LARGE1: variants seen among roughly 807,000 people sequenced by gnomAD.
LARGE1 encodes the protein xylosyl- and glucuronyltransferase LARGE1.
LARGE1 carries 43 observed loss-of-function variants against 87.6 expected under a neutral mutation model. The ratio of observed to expected loss-of-function variants is 0.49; its 90% confidence interval spans 0.38 to 0.63. LARGE1 has a LOEUF of 0.63. Ranked by LOEUF, LARGE1 falls within the 30% of genes least tolerant of loss-of-function variation. LARGE1 has a pLI of 0.00. For missense variants in LARGE1, 802 were observed against 1,000.2 expected, an observed-to-expected ratio of 0.80 and a Z score of 2.67; for synonymous variants, 434 against 394.6, an observed-to-expected ratio of 1.10 and a Z score of -1.18.
the LARGE1 span, among the ~76,000 whole-genome samples, chr22:33,101,125 G>A: frequency 4.6e-5 from 7 of 152,226 alleles, no homozygotes; most frequent in East Asian, 1.9e-4. Flanking sequence ...GATTACAGGC[G>A]TGAGCCACCA....
intron 6 of LARGE1, among the ~76,000 whole-genome samples, chr22:33,481,400 C>A (rs887473498): frequency 6.6e-6 from 1 of 151,956 alleles, no homozygotes; most frequent in Non-Finnish European, 1.5e-5. Flanking sequence ...TGTCTGTGGG[C>A]CATTATTTTT....
rs762397832 is a variant in LARGE1, at chr22:33,384,264, T to C, written c.933A>G (p.Lys311=). The change falls in exon 8 of 15, where the codon AAA becomes AAG. Residue 311 remains lysine (K), a synonymous_variant. Transcript: ENST00000397394. ...CGGTCAGCCTCCACATCTGCTCCCA[T>C]TTCATCTTCCGCAGCTTATCCAGAA... The part of the protein sequence containing the change: ...LLLLDKLRKM[K]WEQMWRLTAE... 1 of 1,614,062 alleles carries C rather than the reference T, an allele frequency of 6.2e-7. No homozygotes were observed. The highest frequency in any genetic ancestry group is 8.5e-7 in the Non-Finnish European group (1 of 1,180,018).
At chr22:33,142,774 G>A in the LARGE1 span, among the ~76,000 whole-genome samples, 1 of 152,130 alleles carries the variant, frequency 6.6e-6, no homozygotes, top group African/African-American at 2.4e-5. Context: ...ATCACTCAAC[G>A]ATTTTCAAAG....
At chr22:33,596,929 T>G (rs1202978560) in intron 5 of LARGE1, among the ~76,000 whole-genome samples, 1 of 152,234 alleles carries the variant, frequency 6.6e-6, no homozygotes, top group Non-Finnish European at 1.5e-5. Flanking sequence ...CTCTGGGTAT[T>G]AACACATTAT....
chr22:33,223,708 A>G (rs1161976716), intron 11 of LARGE1, among the ~76,000 whole-genome samples: 2 of 152,148 alleles, frequency 1.3e-5, no homozygotes, highest in Non-Finnish European at 2.9e-5. Flanking sequence ...TTGCATGTCA[A>G]TGACTCGGTT....
At chr22:33,372,173 GT>G (rs2064834090) in intron 9 of LARGE1, among the ~76,000 whole-genome samples, 1 of 151,876 alleles carries the variant, frequency 6.6e-6, no homozygotes, top group East Asian at 1.9e-4. Context: ...ATAAATATAA[GT>G]TGTTTTCAGC....
intron 14 of LARGE1, among the ~76,000 whole-genome samples, chr22:33,276,542 T>A (rs1929333442): frequency 6.6e-6 from 1 of 152,238 alleles, no homozygotes; most frequent in Admixed American, 6.5e-5. Context: ...AGATTCATAC[T>A]TTGAAGTAGG....
At chr22:33,810,720 T>C (rs2086465861) in intron 1 of LARGE1, among the ~76,000 whole-genome samples, 1 of 151,288 alleles carries the variant, frequency 6.6e-6, no homozygotes, top group African/African-American at 2.4e-5. Context: ...GGGTGAGGGA[T>C]GAATTTCTTT....
intron 2 of LARGE1, among the ~76,000 whole-genome samples, chr22:33,659,443 T>C (rs1169675701): frequency 6.6e-6 from 1 of 152,166 alleles, no homozygotes; most frequent in Admixed American, 6.5e-5. Flanking sequence ...ACAGGAGAGC[T>C]GAGTCTGCCA....
intron 2 of LARGE1, among the ~76,000 whole-genome samples, chr22:33,714,238 A>C (rs2082844715): frequency 6.6e-6 from 1 of 152,138 alleles, no homozygotes; most frequent in Admixed American, 6.6e-5. Context: ...AAATGAGAAA[A>C]GCTGGTCTTG....
chr22:33,903,393 T>A (rs1476279072), intron 1 of LARGE1, among the ~76,000 whole-genome samples: 2 of 152,182 alleles, frequency 1.3e-5, no homozygotes, highest in Non-Finnish European at 2.9e-5. Context: ...TGGTACTTTG[T>A]TATGGCCACC....
chr22:33,736,149 T>A (rs7290844), intron 2 of LARGE1, among the ~76,000 whole-genome samples: 1 of 152,208 alleles, frequency 6.6e-6, no homozygotes, highest in East Asian at 1.9e-4. Flanking sequence ...CCTTTGGGCA[T>A]AGATACCTGG....
At chr22:33,761,774 T>TCACA (rs144502131) in intron 1 of LARGE1, among the ~76,000 whole-genome samples, 1 of 151,794 alleles carries the variant, frequency 6.6e-6, no homozygotes, top group Admixed American at 6.6e-5. Flanking sequence ...GCTCGCTCTC[T>TCACA]CACACACACA....
chr22:33,758,947 C>A (rs916558042), intron 2 of LARGE1, among the ~76,000 whole-genome samples: 3 of 152,164 alleles, frequency 2.0e-5, no homozygotes, highest in African/African-American at 7.2e-5. Context: ...ACCGCAGTGA[C>A]TGGTTTCAGG....
In LARGE1 at chr22:33,410,752, T is replaced by C. The variant is rs546366594; in HGVS notation, c.892+21409A>G. ...CAAGCACTGAAGGCCCAGAAAGAGA[T>C]TGCAAGGTAGGCTTAAGCACTGGGC... On this transcript the variant is annotated intron_variant, in intron 7 of 14. Transcript: ENST00000397394. Among the ~76,000 whole-genome samples, 11 of 152,098 alleles carry C rather than the reference T, an allele frequency of 7.2e-5. No individual in the cohort carries two copies. In the South Asian group the frequency reaches 2.3e-3, roughly 32 times the overall value.
intron 1 of LARGE1, among the ~76,000 whole-genome samples, chr22:33,763,439 G>T (rs552277956): frequency 6.6e-6 from 1 of 152,158 alleles, no homozygotes; most frequent in Admixed American, 6.5e-5. Flanking sequence ...AACAGAGAAT[G>T]TTGACTTGAA....
At chr22:33,655,360 T>G (rs942724988) in intron 2 of LARGE1, among the ~76,000 whole-genome samples, 5 of 152,192 alleles carry the variant, frequency 3.3e-5, no homozygotes, top group African/African-American at 4.8e-5. Context: ...ACATCATCTT[T>G]TTCTTGCCTT....
intron 11 of LARGE1, among the ~76,000 whole-genome samples, chr22:33,188,650 C>T (rs1320507623): frequency 6.6e-6 from 1 of 152,178 alleles, no homozygotes; most frequent in Non-Finnish European, 1.5e-5. Flanking sequence ...TACAAGCACA[C>T]AGCAGAAGGG....
chr22:33,724,697 C>T (rs2083215005), intron 2 of LARGE1: 1 of 152,176 alleles, frequency 6.6e-6, no homozygotes, highest in Admixed American at 6.5e-5. Flanking sequence ...CTTCTTCTCC[C>T]TTGGCTCATT....
Sources: gnomAD v4.1 joint callset for allele counts (sites outside exome capture counted in the v4.1 genomes callset) on GRCh38, gnomAD v4.1.1 for gene constraint, MANE v1.5 for transcripts, NCBI Gene and HGNC (gene_info 2026-07-23, HGNC 2026-07-21) for gene names.